The following SMARCD1 variants were observed in gnomAD, a reference collection of about 807,000 sequenced individuals.
SMARCD1 encodes the protein SWI/SNF-related matrix-associated actin-dependent regulator of chromatin subfamily D member 1.
SMARCD1 carries 16 observed loss-of-function variants against 70.8 expected under a neutral mutation model. The ratio of observed to expected loss-of-function variants is 0.23; its 90% confidence interval spans 0.15 to 0.34. The LOEUF (loss-of-function observed/expected upper bound fraction) is 0.34, where lower values mean the gene tolerates loss of function less well. SMARCD1 is among the 10% of genes least tolerant of loss of function. The pLI is 1.00. For synonymous variants in SMARCD1, 249 were observed against 246.0 expected, an observed-to-expected ratio of 1.01 and a Z score of -0.11; for missense variants, 409 against 655.5, an observed-to-expected ratio of 0.62 and a Z score of 4.11.
chr12:50,085,918 C>T (rs965093847), intron 1 of SMARCD1: 8 of 399,122 alleles, frequency 2.0e-5, no homozygotes, highest in Middle Eastern at 6.3e-4. Flanking sequence ...GTGGAACTGG[C>T]GATGTCCGAT....
intron 11 of SMARCD1, 28 bp from the exon 12 acceptor site, chr12:50,098,686 C>T (rs1187537127): frequency 1.9e-6 from 3 of 1,555,458 alleles, no homozygotes; most frequent in Admixed American, 1.7e-5. Flanking sequence ...CTCTCTCTTC[C>T]TCCACCCTGC....
In SMARCD1 at chr12:50,086,830, C is replaced by T; in HGVS notation, c.483C>T (p.Ile161=). 1 of 1,614,092 alleles carries T rather than the reference C, an allele frequency of 6.2e-7. No homozygotes were observed. Among genetic ancestry groups the T allele is most frequent in the Non-Finnish European group, 8.5e-7 (1 of 1,179,964 alleles). The change falls in exon 4 of 13, where the codon ATC becomes ATT. Residue 161 remains isoleucine (I), a synonymous_variant. Transcript: ENST00000394963. ...TTGAAAGGAAACTGGACCAGACTAT[C>T]ATGAGGAAACGGCTAGATATCCAAG... The part of the protein sequence containing the change: ...LAFERKLDQT[I]MRKRLDIQEA...
chr12:50,090,821 C>CTTTTTTTTTTTTTTTTTTT (rs11443542), intron 9 of SMARCD1, among the ~76,000 whole-genome samples: 2 of 102,438 alleles, frequency 2.0e-5, no homozygotes, highest in Non-Finnish European at 1.8e-5. Context: ...TGTATTTGTG[C>CTTTTTTTTTTTTTTTTTTT]TTTTTTTTTT....
At chr12:50,094,321 T>C in intron 9 of SMARCD1, 116 bp from the exon 10 acceptor site, 1 of 995,888 alleles carries the variant, frequency 1.0e-6, no homozygotes, top group Non-Finnish European at 1.5e-6. Context: ...CCGAAAGTTC[T>C]CGGGCCCTTT....
At chr12:50,097,176 A>G (rs984647146) in intron 11 of SMARCD1, among the ~76,000 whole-genome samples, 3 of 152,318 alleles carry the variant, frequency 2.0e-5, no homozygotes, top group Middle Eastern at 3.4e-3. Flanking sequence ...TTTGTCTGTC[A>G]CTGTGCTTCA....
Position 50,090,821 on chromosome 12 carries a change from C to CTTTTTTTTTTTTTTTTTTTTTTTTTT in SMARCD1, c.1133+251_1133+252insTTTTTTTTTTTTTTTTTTTTTTTTTT, listed in dbSNP as rs11443542. Among the ~76,000 whole-genome samples the CTTTTTTTTTTTTTTTTTTTTTTTTTT allele has an allele frequency of 2.0e-5, 2 of 102,438 alleles. 1 individual carries two copies. The allele number at this position is 102,438 out of a possible 152,430, so 67.2% of individuals were successfully genotyped here. On this transcript the variant is annotated intron_variant, in intron 9 of 12. Coordinates refer to ENST00000394963, the MANE Select transcript of SMARCD1 (RefSeq NM_003076.5). Reference sequence around the variant, plus strand: ...ATTATTACATTTTATTGTATTTGTGCTTTTTTTTTTTTTTTTTTTTGGAGA... The same window carrying CTTTTTTTTTTTTTTTTTTTTTTTTTT: ...ATTATTACATTTTATTGTATTTGTGCTTTTTTTTTTTTTTTTTTTTTTTTTTTTTTTTTTTTTTTTTTTTTTGGAGA...
chr12:50,092,916 G>A (rs1259497107), intron 9 of SMARCD1, among the ~76,000 whole-genome samples: 2 of 151,890 alleles, frequency 1.3e-5, no homozygotes, highest in African/African-American at 2.4e-5. Context: ...AGTGGCTCAC[G>A]TCTGTAATCC....
intron 7 of SMARCD1, 107 bp downstream of exon 7, chr12:50,090,092 C>T (rs1015634486): frequency 3.8e-6 from 5 of 1,303,520 alleles, no homozygotes; most frequent in East Asian, 4.6e-5. Flanking sequence ...CACTTTGGCA[C>T]AGAGATAGAG....
At chr12:50,090,783 G>A (rs531175851) in intron 9 of SMARCD1, among the ~76,000 whole-genome samples, 193 bp downstream of exon 9, 1 of 145,468 alleles carries the variant, frequency 6.9e-6, no homozygotes, top group Admixed American at 6.8e-5. Flanking sequence ...TATTCAAAAT[G>A]TATAACTTCC....
At position 50,099,350 on chromosome 12, in the gene SMARCD1, C is replaced by T. The variant is rs1950919732; in HGVS notation, c.*350C>T. ...GGTGGTCTTCAAGGGGACCAGCTAA[C>T]TGATCCTGCCCTTCAGAGACCCAGG... is the stretch of plus-strand genomic sequence containing the variant. On this transcript the variant is annotated 3_prime_UTR_variant, in exon 13 of 13. Coordinates refer to ENST00000394963, the MANE Select transcript of SMARCD1 (RefSeq NM_003076.5). The T allele has an allele frequency of 2.1e-6, 1 of 478,288 alleles. No individual in the cohort carries two copies. The allele number at this position is 478,288 out of a possible 1,614,324, so 29.6% of individuals were successfully genotyped here. A position where few individuals can be genotyped will look rare whatever the true frequency, so the allele number is the denominator to read the frequency against.
In SMARCD1 at chr12:50,086,881, A is replaced by G; in HGVS notation, c.531+3A>G. The G allele has an allele frequency of 6.2e-7, 1 of 1,614,114 alleles. No individual in the cohort carries two copies. Among genetic ancestry groups the G allele is most frequent in the Non-Finnish European group, 8.5e-7 (1 of 1,179,992 alleles). ...AGGCCTTGAAACGTCCCATCAAGGT[A>G]ACACAGGAAAGTACTAGGCAGAGAG... On this transcript the variant is annotated splice_donor_region_variant and intron_variant, in intron 4 of 12. Transcript: ENST00000394963.
In SMARCD1 at chr12:50,098,750, C is replaced by T; in HGVS notation, c.1429C>T (p.Arg477Cys). 1 of 1,614,078 alleles carries T rather than the reference C, an allele frequency of 6.2e-7. No individual in the cohort carries two copies. The highest frequency in any genetic ancestry group is 8.5e-7 in the Non-Finnish European group (1 of 1,179,954). ...TGTGGTGGGTAACCCAGAGGAGGAG[C>T]GCCGAGCTGAGTTCTACTTCCAGCC... ...TDVVGNPEEE[R>C]RAEFYFQPWA... Residue 477 changes from arginine (R) to cysteine (C), a missense_variant, in exon 12 of 13, where the codon CGC (arginine) becomes TGC (cysteine). By Grantham distance (180) the Arg-to-Cys change is radical (BLOSUM62 -3). Around this residue, in one of 2 missense-constraint regions of SMARCD1, gnomAD observed 269 missense variants for 498.6 expected, o/e 0.54. Coordinates refer to ENST00000394963, the MANE Select transcript of SMARCD1 (RefSeq NM_003076.5).
intron 11 of SMARCD1, among the ~76,000 whole-genome samples, chr12:50,097,760 G>T (rs1326431883): frequency 2.6e-5 from 4 of 151,500 alleles, no homozygotes; most frequent in Non-Finnish European, 5.9e-5. Context: ...GCGTGGTGGC[G>T]GGTGCCTGTA....
intron 5 of SMARCD1, 88 bp from the exon 6 acceptor site, chr12:50,088,433 T>C (rs1950811930): frequency 1.3e-6 from 1 of 749,400 alleles, no homozygotes; most frequent in Non-Finnish European, 2.3e-6. Context: ...TTTTTTCCAT[T>C]GTTGTTGGGG....
At position 50,088,626 on chromosome 12, in the gene SMARCD1, C is replaced by T. The variant is rs753419051; in HGVS notation, c.760C>T (p.His254Tyr). Residue 254 changes from histidine to tyrosine, a missense_variant, in exon 6 of 13, where the codon CAT becomes TAT. Coordinates refer to ENST00000394963, the MANE Select transcript of SMARCD1 (RefSeq NM_003076.5). ...LDKDLYGPDNHLVEWHRTATT... is the reference protein window; with the variant it reads ...LDKDLYGPDNYLVEWHRTATT... Reference sequence around the variant, plus strand: ...CAAAGACCTGTATGGGCCAGACAACCATCTGGTAGAAGTGAGTAGCTCTGC... The same window carrying T: ...CAAAGACCTGTATGGGCCAGACAACTATCTGGTAGAAGTGAGTAGCTCTGC... 1 of 1,575,694 alleles carries T rather than the reference C, an allele frequency of 6.3e-7. No homozygotes were observed. Among genetic ancestry groups the T allele is most frequent in the Non-Finnish European group, 8.7e-7 (1 of 1,147,628 alleles).
At position 50,098,742 on chromosome 12, in the gene SMARCD1, A is replaced by G; in HGVS notation, c.1421A>G (p.Glu474Gly). Residue 474 changes from glutamate to glycine, a missense_variant, in exon 12 of 13, where the codon GAG (glutamate) becomes GGG (glycine). Physicochemically the swap from Glu to Gly is moderately conservative, Grantham distance 98 (BLOSUM62 -2). Coordinates refer to ENST00000394963, the MANE Select transcript of SMARCD1 (RefSeq NM_003076.5). ...KTMTDVVGNP[E>G]EERRAEFYFQ... ...ATGACTGATGTGGTGGGTAACCCAG[A>G]GGAGGAGCGCCGAGCTGAGTTCTAC... 6.2e-7 allele frequency: 1 copy of G among 1,614,106 alleles called. No homozygotes were observed. The highest frequency in any genetic ancestry group is 8.5e-7 in the Non-Finnish European group (1 of 1,179,976).
chr12:50,093,687 G>T (rs942506562), intron 9 of SMARCD1, among the ~76,000 whole-genome samples: 21 of 151,988 alleles, frequency 1.4e-4, no homozygotes, highest in African/African-American at 4.8e-4. Flanking sequence ...GGTCTGTGTG[G>T]TGTAGGCTGG....
At position 50,098,806 on chromosome 12, in the gene SMARCD1, C is replaced by T; in HGVS notation, c.1485C>T (p.Phe495=). The change falls in exon 12 of 13, where the codon TTC becomes TTT. Residue 495 remains phenylalanine (F), a synonymous_variant. Transcript: ENST00000394963. ...PWAQEAVCRY[F]YSKVQQRRQE... is the part of the protein sequence containing the mutation. The stretch of plus-strand genomic sequence containing the variant: ...CTCAGGAGGCTGTGTGCCGATACTT[C>T]TACTCCAAGGTAAGTACATGGGGTG... The T allele has an allele frequency of 6.2e-7, 1 of 1,613,830 alleles. No homozygotes were observed. Among genetic ancestry groups the T allele is most frequent in the Non-Finnish European group, 8.5e-7 (1 of 1,179,692 alleles).
intron 9 of SMARCD1, among the ~76,000 whole-genome samples, chr12:50,093,243 C>T (rs1950862912): frequency 6.6e-6 from 1 of 151,964 alleles, no homozygotes; most frequent in African/African-American, 2.4e-5. Context: ...GGCTGGAGTG[C>T]AGTGGCATGA....
Sources: allele counts gnomAD v4.1 joint callset (sites outside exome capture counted in the v4.1 genomes callset), GRCh38; gene constraint gnomAD v4.1.1; regional missense constraint gnomAD v4.1.1; transcripts MANE v1.5; gene names NCBI Gene and HGNC (gene_info 2026-07-23, HGNC 2026-07-21).